Variants in MACROD2 observed in about 807,000 individuals in gnomAD.
MACROD2 encodes mono-ADP ribosylhydrolase 2.
Under a neutral mutation model 70.4 loss-of-function variants are expected in MACROD2, and 36 were observed. That is an observed-to-expected ratio of 0.51 (90% CI 0.39 to 0.68). The LOEUF is 0.68. MACROD2 is among the 30% of genes least tolerant of loss of function. The probability of loss-of-function intolerance (pLI) is 0.00; values close to 1 mark genes in which losing one functional copy is unlikely to be tolerated. For synonymous variants in MACROD2, 172 were observed against 178.8 expected, an observed-to-expected ratio of 0.96 and a Z score of 0.30; for missense variants, 496 against 538.4, an observed-to-expected ratio of 0.92 and a Z score of 0.78.
chr20:14,735,381 C>T (rs908017861), intron 5 of MACROD2, among the ~76,000 whole-genome samples: 2 of 152,158 alleles, frequency 1.3e-5, no homozygotes, highest in Non-Finnish European at 2.9e-5. Context: ...ACATGAAGCA[C>T]ATGAACAGGC....
chr20:14,443,178 G>A (rs1164735943), intron 3 of MACROD2, among the ~76,000 whole-genome samples: 1 of 151,896 alleles, frequency 6.6e-6, no homozygotes, highest in Non-Finnish European at 1.5e-5. Context: ...CAAATTTAAA[G>A]CTCTTTCTTC....
intron 3 of MACROD2, among the ~76,000 whole-genome samples, chr20:14,420,178 T>G (rs1165537499): frequency 2.0e-5 from 3 of 151,176 alleles, no homozygotes; most frequent in East Asian, 2.0e-4. Context: ...AGTTTAGAGA[T>G]TCCTCAAAAA....
chr20:15,246,389 G>C (rs2077106141), intron 6 of MACROD2, among the ~76,000 whole-genome samples: 1 of 152,154 alleles, frequency 6.6e-6, no homozygotes, highest in Non-Finnish European at 1.5e-5. Context: ...ACACTCTGAT[G>C]TTGATGTGGT....
At chr20:15,491,788 G>A (rs1004877124) in intron 7 of MACROD2, among the ~76,000 whole-genome samples, 3 of 151,302 alleles carry the variant, frequency 2.0e-5, no homozygotes, top group African/African-American at 2.4e-5. Context: ...AAAGGGGCTG[G>A]CACCAGAAGG....
chr20:15,370,068 T>C (rs2045470871), intron 6 of MACROD2, among the ~76,000 whole-genome samples: 2 of 152,166 alleles, frequency 1.3e-5, no homozygotes, highest in Non-Finnish European at 2.9e-5. Context: ...CTTGGAATTT[T>C]ATAATGAACT....
intron 2 of MACROD2, among the ~76,000 whole-genome samples, chr20:14,062,392 A>G (rs2053701050): frequency 6.6e-6 from 1 of 152,160 alleles, no homozygotes; most frequent in South Asian, 2.1e-4. Flanking sequence ...ACAAGTGATA[A>G]TTGTATAACA....
chr20:14,010,212 A>G (rs1248291686), intron 2 of MACROD2, among the ~76,000 whole-genome samples: 2 of 152,248 alleles, frequency 1.3e-5, no homozygotes, highest in Non-Finnish European at 2.9e-5. Context: ...TCTGTATTAC[A>G]TACTATAATA....
chr20:16,045,137 C>T (rs141416250), intron 17 of MACROD2, among the ~76,000 whole-genome samples: 9 of 152,218 alleles, frequency 5.9e-5, no homozygotes, highest in East Asian at 1.9e-4. Context: ...CCTGTGGACC[C>T]GTGCGTCTGC....
intron 10 of MACROD2, among the ~76,000 whole-genome samples, chr20:15,924,963 T>A (rs1446482071): frequency 6.6e-6 from 1 of 152,206 alleles, no homozygotes; most frequent in African/African-American, 2.4e-5. Flanking sequence ...AACTTAGGGC[T>A]TAATGAAAAA....
chr20:14,964,621 C>G (rs150381363), intron 5 of MACROD2, among the ~76,000 whole-genome samples: 1 of 152,108 alleles, frequency 6.6e-6, no homozygotes, highest in East Asian at 1.9e-4. Flanking sequence ...TGCACGCACA[C>G]TAGCATCCCT....
At chr20:14,245,827 A>G (rs2081964538) in intron 3 of MACROD2, among the ~76,000 whole-genome samples, 1 of 152,158 alleles carries the variant, frequency 6.6e-6, no homozygotes, top group Admixed American at 6.5e-5. Flanking sequence ...TTGAAAATTC[A>G]CAGACACCAT....
chr20:15,635,000 C>A (rs1013229327), intron 8 of MACROD2, among the ~76,000 whole-genome samples: 1 of 152,176 alleles, frequency 6.6e-6, no homozygotes, highest in African/African-American at 2.4e-5. Context: ...GCAGTTGTGG[C>A]AGCAACAGCA....
intron 5 of MACROD2, among the ~76,000 whole-genome samples, chr20:15,169,793 A>T (rs1431387901): frequency 6.6e-6 from 1 of 151,916 alleles, no homozygotes; most frequent in Non-Finnish European, 1.5e-5. Context: ...CTTTTATCAG[A>T]TGTGGGCATT....
intron 6 of MACROD2, among the ~76,000 whole-genome samples, chr20:15,405,438 G>A (rs545147707): frequency 7.9e-5 from 12 of 152,260 alleles, no homozygotes; most frequent in Middle Eastern, 3.4e-3. Flanking sequence ...GCCCAGCACC[G>A]TGGTGTGGCC....
At chr20:15,647,406 G>A (rs936956904) in intron 8 of MACROD2, among the ~76,000 whole-genome samples, 2 of 148,670 alleles carry the variant, frequency 1.3e-5, no homozygotes, top group Non-Finnish European at 2.9e-5. Flanking sequence ...TGAGACAAGA[G>A]AGGAAGTCAT....
intron 3 of MACROD2, among the ~76,000 whole-genome samples, chr20:14,145,128 T>C (rs1315594645): frequency 6.6e-6 from 1 of 152,212 alleles, no homozygotes; most frequent in Non-Finnish European, 1.5e-5. Context: ...TGAATTACTA[T>C]ATACCTCTAC....
chr20:14,575,923 A>C (rs1168102052), intron 4 of MACROD2, among the ~76,000 whole-genome samples: 2 of 152,226 alleles, frequency 1.3e-5, no homozygotes, highest in Non-Finnish European at 2.9e-5. Context: ...GCTGCAATTA[A>C]TTATAGAACT....
Position 15,931,858 on chromosome 20 carries a change from G to T in MACROD2, c.776-1418G>T, listed in dbSNP as rs542218235. ...TCCCCATCTGAAACTTTCTTCAGTA[G>T]GTCGTTTTCCAGAGCTGCAGGTAAA... On this transcript the variant is annotated intron_variant, in intron 10 of 17. Transcript: ENST00000684519. 1.4e-4 allele frequency among the ~76,000 whole-genome samples: 22 copies of T among 152,140 alleles called. No homozygotes were observed. The South Asian group carries it at 2.7e-3, about 19-fold the overall frequency.
At chr20:15,238,219 A>G (rs1319179274) in intron 6 of MACROD2, among the ~76,000 whole-genome samples, 2 of 152,218 alleles carry the variant, frequency 1.3e-5, no homozygotes, top group Non-Finnish European at 1.5e-5. Context: ...TAGGCATCCA[A>G]ATTATCTGCT....
Sources: allele counts gnomAD v4.1 joint callset (sites outside exome capture counted in the v4.1 genomes callset), GRCh38; gene constraint gnomAD v4.1.1; transcripts MANE v1.5; gene names NCBI Gene and HGNC (gene_info 2026-07-23, HGNC 2026-07-21).